LRP1B: variants seen among roughly 807,000 people sequenced by gnomAD.
LRP1B encodes LDL receptor related protein 1B, also known as low-density lipoprotein receptor-related protein 1B.
LRP1B carries 217 observed loss-of-function variants against 556.6 expected under a neutral mutation model. The ratio of observed to expected loss-of-function variants is 0.39; its 90% confidence interval spans 0.35 to 0.44. LRP1B has a LOEUF of 0.44. Ranked by LOEUF, LRP1B falls within the 20% of genes least tolerant of loss-of-function variation. The probability of loss-of-function intolerance (pLI) is 1.00; values close to 1 mark genes in which losing one functional copy is unlikely to be tolerated. For synonymous variants in LRP1B, 2,047 were observed against 1,865.8 expected (o/e 1.10, Z -2.50); for missense variants, 5,053 against 5,620.8 (o/e 0.90, Z 3.23).
At chr2:141,844,891 A>C (rs1697592896) in intron 1 of LRP1B, among the ~76,000 whole-genome samples, 1 of 151,980 alleles carries the variant, frequency 6.6e-6, no homozygotes, top group African/African-American at 2.4e-5. Flanking sequence ...ATGATTATAT[A>C]GACTTCTATA....
At chr2:141,188,319 T>G in intron 7 of LRP1B, 102 bp downstream of exon 7, 1 of 1,127,200 alleles carries the variant, frequency 8.9e-7, no homozygotes, top group Non-Finnish European at 1.3e-6. Flanking sequence ...CTAAAAAGTT[T>G]GAGTCTGTAG....
intron 2 of LRP1B, among the ~76,000 whole-genome samples, chr2:141,516,971 A>ACAG (rs1166884525): frequency 7.3e-6 from 1 of 137,302 alleles, no homozygotes; most frequent in East Asian, 2.3e-4. Flanking sequence ...TGCTGGGATT[A>ACAG]CAGGTGTGAT....
rs529122774 is a variant in LRP1B at position 140,769,367 on chromosome 2, G to T, written c.5627-23C>A. On this transcript the variant is annotated intron_variant, in intron 34 of 90. Coordinates refer to ENST00000389484, the MANE Select transcript of LRP1B (RefSeq NM_018557.3). ...TACCTAAATGCAGGGCCGGAGATAAGGGGGGGAAGGGAAGCCCAGAATGAA... is the reference window on the plus strand; with the variant it reads ...TACCTAAATGCAGGGCCGGAGATAATGGGGGGAAGGGAAGCCCAGAATGAA... 9.6e-6 allele frequency: 15 copies of T among 1,558,736 alleles called. No homozygotes were observed. The South Asian group carries it at 1.6e-4, about 16-fold the overall frequency.
At position 140,501,881 on chromosome 2, in the gene LRP1B, A is replaced by T; in HGVS notation, c.8663-7T>A. 1.3e-6 allele frequency: 2 copies of T among 1,584,928 alleles called. No individual in the cohort carries two copies. The highest frequency in any genetic ancestry group is 1.7e-6 in the Non-Finnish European group (2 of 1,165,516). ...GAACTGTTGCATGACTGTTCTGGAA[A>T]AAAAATAAAACAAATGGAACATAAA... On this transcript the variant is annotated splice_region_variant and splice_polypyrimidine_tract_variant and intron_variant, in intron 54 of 90. Transcript: ENST00000389484.
chr2:141,860,783 A>T (rs1014856063), intron 1 of LRP1B, among the ~76,000 whole-genome samples: 1 of 152,202 alleles, frequency 6.6e-6, no homozygotes, highest in Non-Finnish European at 1.5e-5. Context: ...TTCTACAGTA[A>T]TGACGATTTT....
At chr2:141,553,701 T>C (rs1278822828) in intron 2 of LRP1B, among the ~76,000 whole-genome samples, 1 of 134,690 alleles carries the variant, frequency 7.4e-6, no homozygotes, top group Non-Finnish European at 1.6e-5. Flanking sequence ...ATATATATTA[T>C]ATAGATCTAT....
intron 11 of LRP1B, among the ~76,000 whole-genome samples, chr2:141,046,163 A>T (rs1698864028): frequency 6.6e-6 from 1 of 152,162 alleles, no homozygotes; most frequent in Non-Finnish European, 1.5e-5. Context: ...TACATAAAAG[A>T]TGTCCAAGAT....
chr2:141,639,166 G>A (rs1262893768), intron 2 of LRP1B, among the ~76,000 whole-genome samples: 3 of 140,216 alleles, frequency 2.1e-5, no homozygotes, highest in Non-Finnish European at 4.6e-5. Context: ...TTCACCAAAT[G>A]GAGCTTCGGG....
chr2:141,304,377 T>C (rs1298986229), intron 3 of LRP1B, among the ~76,000 whole-genome samples: 1 of 152,062 alleles, frequency 6.6e-6, no homozygotes, highest in Non-Finnish European at 1.5e-5. Context: ...AATTTTCTTC[T>C]AGTGATTTTA....
chr2:141,217,198 G>T (rs925725336), intron 6 of LRP1B, among the ~76,000 whole-genome samples: 1 of 151,282 alleles, frequency 6.6e-6, no homozygotes, highest in Non-Finnish European at 1.5e-5. Context: ...AAGGCTTAGT[G>T]CTGTCCTCAG....
At chr2:140,331,339 C>T (rs919524293) in intron 79 of LRP1B, among the ~76,000 whole-genome samples, 1 of 152,076 alleles carries the variant, frequency 6.6e-6, no homozygotes, top group Non-Finnish European at 1.5e-5. Flanking sequence ...TCATGGAACA[C>T]ATTGCTTACC....
At position 140,917,769 on chromosome 2, in the gene LRP1B, T is replaced by C. The variant is rs192280422; in HGVS notation, c.3319+5196A>G. 6.6e-5 allele frequency among the ~76,000 whole-genome samples: 10 copies of C among 152,236 alleles called. No homozygotes were observed. In the East Asian group the frequency reaches 1.9e-3, roughly 29 times the overall value. ...CCTTGATACTATAATGATGGATACA[T>C]GTCATCATATATTTGTCAAGACCCA... On this transcript the variant is annotated intron_variant, in intron 21 of 90. Transcript: ENST00000389484.
intron 89 of LRP1B, among the ~76,000 whole-genome samples, chr2:140,237,805 CTG>C (rs1048027441): frequency 2.0e-5 from 3 of 150,700 alleles, no homozygotes; most frequent in African/African-American, 7.3e-5. Flanking sequence ...AAACAATTTG[CTG>C]TGTGATATCA....
intron 7 of LRP1B, among the ~76,000 whole-genome samples, chr2:141,128,054 C>G (rs780337026): frequency 1.6e-4 from 24 of 152,230 alleles, no homozygotes; most frequent in Middle Eastern, 3.4e-3. Flanking sequence ...AATCACAGCT[C>G]ATTGTAACCT....
chr2:141,988,304 T>C (rs1702257281), intron 1 of LRP1B, among the ~76,000 whole-genome samples: 1 of 151,872 alleles, frequency 6.6e-6, no homozygotes, highest in African/African-American at 2.4e-5. Context: ...GTGTGTTCTC[T>C]TTATTCTCTT....
intron 2 of LRP1B, among the ~76,000 whole-genome samples, chr2:141,745,336 T>C (rs906135980): frequency 1.3e-5 from 2 of 152,150 alleles, no homozygotes; most frequent in South Asian, 2.1e-4. Flanking sequence ...GTGAAAAATA[T>C]TAGAAATCTA....
chr2:142,113,488 C>CAAAAA (rs34361933), intron 1 of LRP1B, among the ~76,000 whole-genome samples: 3 of 146,538 alleles, frequency 2.0e-5, no homozygotes, highest in African/African-American at 5.0e-5. Flanking sequence ...ACAGTTGCCA[C>CAAAAA]AAAAAAAAAA....
At chr2:141,371,224 A>G (rs1454887625) in intron 3 of LRP1B, among the ~76,000 whole-genome samples, 3 of 152,006 alleles carry the variant, frequency 2.0e-5, no homozygotes, top group Non-Finnish European at 2.9e-5. Context: ...ATTCTATTCC[A>G]TTGATATATG....
At chr2:141,235,084 A>G (rs912594211) in intron 5 of LRP1B, among the ~76,000 whole-genome samples, 6 of 152,162 alleles carry the variant, frequency 3.9e-5, no homozygotes, top group Admixed American at 6.5e-5. Flanking sequence ...ATCACATTTT[A>G]TTATAGAAAT....
Sources: gnomAD v4.1 joint callset for allele counts (sites outside exome capture counted in the v4.1 genomes callset) on GRCh38, gnomAD v4.1.1 for gene constraint, MANE v1.5 for transcripts, NCBI Gene and HGNC (gene_info 2026-07-23, HGNC 2026-07-21) for gene names.